GNAZ: variants seen among roughly 807,000 people sequenced by gnomAD.
GNAZ encodes G protein subunit alpha z, also known as guanine nucleotide-binding protein G(z) subunit alpha.
A neutral mutation model predicts 25.4 loss-of-function variants in GNAZ; 3 were observed. The observed-to-expected ratio is 0.12, with a 90% CI of 0.05 to 0.30. The LOEUF is 0.30. Ranked by LOEUF, GNAZ falls within the 10% of genes least tolerant of loss-of-function variation. The pLI is 1.00. For synonymous variants in GNAZ, 211 were observed against 205.7 expected (o/e 1.03, Z -0.22); for missense variants, 241 against 501.8 (o/e 0.48, Z 4.97).
intron 2 of GNAZ, among the ~76,000 whole-genome samples, chr22:23,119,996 G>A (rs1434428613): frequency 6.6e-6 from 1 of 152,214 alleles, no homozygotes; most frequent in South Asian, 2.1e-4. Flanking sequence ...GGAGTCCTGG[G>A]CACAAGCAGG....
chr22:23,096,392 C>T lies in GNAZ; in HGVS notation c.697C>T (p.Leu233=), dbSNP rs199896240. Residue 233 remains leucine (L), a synonymous_variant, in exon 2 of 3, where the codon CTG becomes TTG. Coordinates refer to ENST00000615612, the MANE Select transcript of GNAZ (RefSeq NM_002073.4). The part of the protein sequence containing the change: ...IFCVELSGYD[L]KLYEDNQTSR... ...CTGTGTGGAGCTCAGCGGCTACGAC[C>T]TGAAACTCTACGAGGATAACCAGAC... The T allele has an allele frequency of 6.2e-7, 1 of 1,610,742 alleles. No individual in the cohort carries two copies. The highest frequency in any genetic ancestry group is 1.3e-5 in the African/African-American group (1 of 74,996).
chr22:23,088,844 G>A (rs1475528907), intron 1 of GNAZ, among the ~76,000 whole-genome samples: 2 of 152,204 alleles, frequency 1.3e-5, no homozygotes, highest in Admixed American at 1.3e-4. Context: ...GGCCTGGGCT[G>A]CCTGCCACCT....
At chr22:23,086,376 G>T (rs957836633) in intron 1 of GNAZ, among the ~76,000 whole-genome samples, 1 of 152,228 alleles carries the variant, frequency 6.6e-6, no homozygotes, top group Non-Finnish European at 1.5e-5. Context: ...CTTTTAGCAT[G>T]AGATGACGTG....
chr22:23,115,848 C>T (rs1352327587), intron 2 of GNAZ, among the ~76,000 whole-genome samples: 1 of 152,250 alleles, frequency 6.6e-6, no homozygotes, highest in Non-Finnish European at 1.5e-5. Context: ...GTTTTCCTAG[C>T]AGAGTTACTC....
chr22:23,098,545 C>T (rs73384372), intron 2 of GNAZ, among the ~76,000 whole-genome samples: 1 of 152,230 alleles, frequency 6.6e-6, no homozygotes, highest in Non-Finnish European at 1.5e-5. Flanking sequence ...GCATTCAAGG[C>T]ACTTTCTAAA....
At chr22:23,118,446 G>A (rs956288184) in intron 2 of GNAZ, among the ~76,000 whole-genome samples, 4 of 152,212 alleles carry the variant, frequency 2.6e-5, no homozygotes, top group African/African-American at 9.6e-5. Flanking sequence ...AGTGAATGGT[G>A]GTGTGTTTCT....
At chr22:23,070,672 C>T (rs1282639335) in intron 1 of GNAZ, 102 bp downstream of exon 1, 2 of 152,106 alleles carry the variant, frequency 1.3e-5, no homozygotes, top group East Asian at 3.9e-4. Flanking sequence ...TCTTCCCAGG[C>T]CTTTGTGCCC....
intron 2 of GNAZ, among the ~76,000 whole-genome samples, chr22:23,107,582 T>G (rs2069518543): frequency 6.6e-6 from 1 of 152,004 alleles, no homozygotes; most frequent in South Asian, 2.1e-4. Flanking sequence ...TGTCTGCAGG[T>G]GGCAGCAGCT....
At chr22:23,120,981 T>C (rs2070008638) in intron 2 of GNAZ, among the ~76,000 whole-genome samples, 1 of 152,234 alleles carries the variant, frequency 6.6e-6, no homozygotes, top group Non-Finnish European at 1.5e-5. Flanking sequence ...GACAGCTCTG[T>C]TACCACAGTC....
At chr22:23,075,270 C>G (rs934628290) in intron 1 of GNAZ, among the ~76,000 whole-genome samples, 5 of 152,198 alleles carry the variant, frequency 3.3e-5, no homozygotes, top group African/African-American at 1.2e-4. Flanking sequence ...GTCAGTCACA[C>G]CCAGCCTGTG....
intron 2 of GNAZ, among the ~76,000 whole-genome samples, chr22:23,114,835 G>C (rs79994202): frequency 1.6e-3 from 250 of 152,300 alleles, no homozygotes; most frequent in African/African-American, 5.4e-3. Flanking sequence ...CCACCTTGTT[G>C]AGAGCAAGGC....
intron 1 of GNAZ, among the ~76,000 whole-genome samples, chr22:23,076,841 A>G (rs1472775343): frequency 6.6e-6 from 1 of 152,224 alleles, no homozygotes; most frequent in Non-Finnish European, 1.5e-5. Context: ...CTCTCAGGCC[A>G]GTAGAGGAGC....
chr22:23,073,965 G>T (rs1268086719), intron 1 of GNAZ, among the ~76,000 whole-genome samples: 1 of 152,104 alleles, frequency 6.6e-6, no homozygotes, highest in Non-Finnish European at 1.5e-5. Context: ...ATGCAGAAGT[G>T]CTGGGTGAGT....
chr22:23,092,477 C>T (rs1024323343), intron 1 of GNAZ, among the ~76,000 whole-genome samples: 7 of 152,100 alleles, frequency 4.6e-5, no homozygotes, highest in African/African-American at 1.2e-4. Flanking sequence ...ATCTGAAAGA[C>T]GAGGGTCCTC....
intron 1 of GNAZ, among the ~76,000 whole-genome samples, chr22:23,084,042 G>A (rs1417120455): frequency 1.3e-5 from 2 of 152,326 alleles, no homozygotes; most frequent in South Asian, 2.1e-4. Flanking sequence ...AACAAGGAGG[G>A]AGGGGTGAGC....
intron 1 of GNAZ, among the ~76,000 whole-genome samples, chr22:23,085,421 T>C (rs975437228): frequency 2.0e-5 from 3 of 152,126 alleles, no homozygotes; most frequent in African/African-American, 7.2e-5. Flanking sequence ...GTATTGATCA[T>C]AGCAGGTTGA....
chr22:23,107,720 C>T (rs992553069), intron 2 of GNAZ, among the ~76,000 whole-genome samples: 1 of 152,162 alleles, frequency 6.6e-6, no homozygotes, highest in African/African-American at 2.4e-5. Context: ...ACACAGAACC[C>T]CAGGGGGTTG....
At chr22:23,107,370 A>C (rs2069513832) in intron 2 of GNAZ, among the ~76,000 whole-genome samples, 2 of 152,182 alleles carry the variant, frequency 1.3e-5, no homozygotes, top group Non-Finnish European at 2.9e-5. Context: ...TGAGCTGCCT[A>C]CATGGGCAGC....
chr22:23,120,129 G>C (rs1052475264), intron 2 of GNAZ, among the ~76,000 whole-genome samples: 1 of 152,196 alleles, frequency 6.6e-6, no homozygotes, highest in African/African-American at 2.4e-5. Flanking sequence ...CAGCTGCCTT[G>C]TGAGATAAGT....
Sources: gnomAD v4.1 joint callset for allele counts (sites outside exome capture counted in the v4.1 genomes callset) on GRCh38, gnomAD v4.1.1 for gene constraint, MANE v1.5 for transcripts, NCBI Gene and HGNC (gene_info 2026-07-23, HGNC 2026-07-21) for gene names.